Variants in SPTB observed in about 807,000 individuals in gnomAD.
SPTB encodes the protein spectrin beta, erythrocytic.
A neutral mutation model predicts 256.2 loss-of-function variants in SPTB; 45 were observed. The observed-to-expected ratio is 0.18, with a 90% CI of 0.14 to 0.23. SPTB has a LOEUF of 0.23. Among genes scored for constraint, SPTB ranks in the 10% least tolerant of loss-of-function variants. SPTB has a pLI of 1.00. For missense variants in SPTB, 2,715 were observed against 3,040.4 expected, an observed-to-expected ratio of 0.89 and a Z score of 2.52; for synonymous variants, 1,231 against 1,243.1, an observed-to-expected ratio of 0.99 and a Z score of 0.21.
intron 2 of SPTB, among the ~76,000 whole-genome samples, chr14:64,819,109 C>A (rs373744279): frequency 1.3e-5 from 2 of 152,184 alleles, no homozygotes; most frequent in East Asian, 1.9e-4. Context: ...AATCCACCCC[C>A]TTACAGGAGC....
chr14:64,815,239 G>C (rs2083168005), intron 2 of SPTB, among the ~76,000 whole-genome samples: 1 of 152,214 alleles, frequency 6.6e-6, no homozygotes, highest in South Asian at 2.1e-4. Flanking sequence ...AGGCTCAAAG[G>C]CTGGTGTTGG....
rs1373479218 is a variant in SPTB, at chr14:64,765,037, TGTGTGC to T, written c.6345+1683_6345+1688del. Among the ~76,000 whole-genome samples the T allele has an allele frequency of 4.1e-3, 470 of 115,138 alleles. 5 individuals are homozygous for T. Among genetic ancestry groups the T allele is most frequent in the African/African-American group, 0.015 (451 of 29,494 alleles). The allele number at this position is 115,138 out of a possible 152,430, so 75.5% of individuals were successfully genotyped here. A position where few individuals can be genotyped will look rare whatever the true frequency, so the allele number is the denominator to read the frequency against. On this transcript the variant is annotated intron_variant, in intron 32 of 35. Coordinates refer to ENST00000644917, the MANE Select transcript of SPTB (RefSeq NM_001355436.2). ...AGAGGAGTGTGTGCGTGTGTGTGTG[TGTGTGC>T]GCGCGCGCGCGCGGGTGGTGGATGG...
rs1036729872 is a variant in SPTB, at chr14:64,826,999, A to G, written c.-51-3854T>C. The stretch of plus-strand genomic sequence containing the variant: ...ACCACTGATGCAACCCACAGCTCCA[A>G]CCTTCACATCCGCCTTTGAGGTCCG... On this transcript the variant is annotated intron_variant, in intron 1 of 35. Coordinates refer to ENST00000644917, the MANE Select transcript of SPTB (RefSeq NM_001355436.2). The surrounding 1 kb of genome is among the most constrained non-coding windows in gnomAD (Gnocchi z 4.4). Among the ~76,000 whole-genome samples the G allele has an allele frequency of 2.0e-5, 3 of 151,994 alleles. No individual in the cohort carries two copies. Among genetic ancestry groups the G allele is most frequent in the Non-Finnish European group, 4.4e-5 (3 of 67,986 alleles).
At chr14:64,817,354 G>A (rs1204386864) in intron 2 of SPTB, among the ~76,000 whole-genome samples, 1 of 152,192 alleles carries the variant, frequency 6.6e-6, no homozygotes, top group Non-Finnish European at 1.5e-5. Context: ...CATTAAAATG[G>A]TTGCTGACAA....
At chr14:64,762,157 C>A (rs1480039080) in intron 32 of SPTB, among the ~76,000 whole-genome samples, 1 of 152,314 alleles carries the variant, frequency 6.6e-6, no homozygotes, top group African/African-American at 2.4e-5. Context: ...CTGACTCAGG[C>A]ATACTGGGTA....
intron 20 of SPTB, 136 bp downstream of exon 20, chr14:64,782,154 C>T: frequency 2.3e-6 from 3 of 1,279,500 alleles, no homozygotes; most frequent in South Asian, 2.4e-5. Flanking sequence ...GTGCAATAAA[C>T]CCCCATGACA....
At chr14:64,788,600 C>T (rs751690305) in intron 15 of SPTB, among the ~76,000 whole-genome samples, 14 of 152,148 alleles carry the variant, frequency 9.2e-5, no homozygotes, top group Non-Finnish European at 1.6e-4. Context: ...GCCCTGGAAT[C>T]GACAGGGAAG....
chr14:64,830,400 T>C (rs1046731797), intron 1 of SPTB, among the ~76,000 whole-genome samples: 1 of 150,588 alleles, frequency 6.6e-6, no homozygotes, highest in Non-Finnish European at 1.5e-5. Flanking sequence ...TTTTTTGAGA[T>C]GGAATTTCAC....
intron 20 of SPTB, among the ~76,000 whole-genome samples, chr14:64,780,453 G>T (rs775034681): frequency 2.6e-5 from 4 of 152,114 alleles, no homozygotes; most frequent in Non-Finnish European, 4.4e-5. Flanking sequence ...TGCTCTTGTT[G>T]CCCAGGCTGG....
chr14:64,803,784 G>A lies in SPTB; in HGVS notation c.301-4C>T. 1 of 1,605,784 alleles carries A rather than the reference G, an allele frequency of 6.2e-7. No individual in the cohort carries two copies. Among genetic ancestry groups the A allele is most frequent in the Non-Finnish European group, 8.5e-7 (1 of 1,175,640 alleles). On this transcript the variant is annotated splice_region_variant and splice_polypyrimidine_tract_variant and intron_variant, in intron 3 of 35. Coordinates refer to ENST00000644917, the MANE Select transcript of SPTB (RefSeq NM_001355436.2). Reference sequence around the variant, plus strand: ...TCTTCCCCTTGGTGGGCTTTGGCTGGGGGACAGCAGTGGCCCCCGTGGGCA... The same window carrying A: ...TCTTCCCCTTGGTGGGCTTTGGCTGAGGGACAGCAGTGGCCCCCGTGGGCA...
At position 64,746,391 on chromosome 14, in the gene SPTB, C is replaced by A. The variant is rs988884391; in HGVS notation, c.*2915G>T. The A allele has an allele frequency of 6.6e-6, 1 of 152,592 alleles. No individual in the cohort carries two copies. The highest frequency in any genetic ancestry group is 1.5e-5 in the Non-Finnish European group (1 of 68,044). 9.5% of individuals were successfully genotyped at this position (152,592 alleles called of 1,614,324 possible). On this transcript the variant is annotated 3_prime_UTR_variant, in exon 36 of 36. Transcript: ENST00000644917. This position sits in a 1 kb window ranked among gnomAD's most constrained non-coding sequence, Gnocchi z 4.9. ...GACCCAGCTGGCCCCAGGGCCAGCCCCAGATTGCATGGTCTGTGCCCAACA... is the reference window on the plus strand; with the variant it reads ...GACCCAGCTGGCCCCAGGGCCAGCCACAGATTGCATGGTCTGTGCCCAACA...
rs557879818 is a variant in SPTB at position 64,768,920 on chromosome 14, G to T, written c.6022+114C>A. 49 of 887,290 alleles carry T rather than the reference G, an allele frequency of 5.5e-5. No individual in the cohort carries two copies. The South Asian group carries it at 6.3e-4, about 11-fold the overall frequency. The allele number at this position is 887,290 out of a possible 1,614,324, so 55.0% of individuals were successfully genotyped here. ...GAGCTTTGCTGAAGAGCAGTGCTGT[G>T]GGGGGCTCCTCTCTAGGCAGTAGTG... On this transcript the variant is annotated intron_variant, in intron 29 of 35. Coordinates refer to ENST00000644917, the MANE Select transcript of SPTB (RefSeq NM_001355436.2).
chr14:64,784,444 G>C, intron 18 of SPTB, 51 bp from the exon 19 acceptor site: 1 of 1,609,236 alleles, frequency 6.2e-7, no homozygotes, highest in Middle Eastern at 1.7e-4. Flanking sequence ...TTCTTTGGCA[G>C]AGCAGAACCT....
At chr14:64,830,282 T>A (rs376306533) in intron 1 of SPTB, among the ~76,000 whole-genome samples, 6 of 151,264 alleles carry the variant, frequency 4.0e-5, no homozygotes, top group African/African-American at 1.5e-4. Flanking sequence ...ACTTAGTAGG[T>A]ACTCAATAAA....
Position 64,802,305 on chromosome 14 carries a change from C to A in SPTB, c.487G>T (p.Val163Leu). Residue 163 changes from valine (V) to leucine (L), a missense_variant, in exon 5 of 36, where the codon GTG (valine) becomes TTG (leucine). Around this residue, in one of 4 missense-constraint regions of SPTB, gnomAD observed 416 missense variants for 571.1 expected, o/e 0.73. Coordinates refer to ENST00000644917, the MANE Select transcript of SPTB (RefSeq NM_001355436.2). This position sits in a 1 kb window ranked among gnomAD's most constrained non-coding sequence, Gnocchi z 5.1. ...IILRFQIQDI[V>L]VQTQEGRETR... ...TCACGACCTTCCTGAGTTTGGACCA[C>A]AATGTCCTGAATCTGAGGGTAGCAG... 6.2e-7 allele frequency: 1 copy of A among 1,614,178 alleles called. No individual in the cohort carries two copies. Among genetic ancestry groups the A allele is most frequent in the South Asian group, 1.1e-5 (1 of 91,084 alleles).
At position 64,786,688 on chromosome 14, in the gene SPTB, G is replaced by A. The variant is rs1376847984; in HGVS notation, c.3277C>T (p.Leu1093Phe). 3 of 1,614,032 alleles carry A rather than the reference G, an allele frequency of 1.9e-6. 1 individual carries two copies. Among genetic ancestry groups the A allele is most frequent in the South Asian group, 2.2e-5 (2 of 91,086 alleles). Residue 1093 changes from leucine to phenylalanine, a missense_variant, in exon 16 of 36, where the codon CTC becomes TTC. Physicochemically the swap from Leu to Phe is conservative, Grantham distance 22. Transcript: ENST00000644917. This position sits in a 1 kb window ranked among gnomAD's most constrained non-coding sequence, Gnocchi z 5.6. ...AVASEDMPES[L>F]PEAEQLLQQH... is the part of the protein sequence containing the mutation. ...TGCAGGAGCTGCTCAGCCTCTGGGA[G>A]GGATTCGGGCATGTCCTCAGAGGCC...
At chr14:64,819,829 T>C (rs1472175879) in intron 2 of SPTB, among the ~76,000 whole-genome samples, 1 of 152,246 alleles carries the variant, frequency 6.6e-6, no homozygotes, top group Non-Finnish European at 1.5e-5. Flanking sequence ...TGGGAAATTT[T>C]CTTAGTACTA....
intron 1 of SPTB, among the ~76,000 whole-genome samples, chr14:64,840,949 A>G (rs1479440282): frequency 6.6e-6 from 1 of 152,168 alleles, no homozygotes; most frequent in East Asian, 1.9e-4. Flanking sequence ...AGCCTCAAGG[A>G]GCTTATAGTC....
Position 64,826,061 on chromosome 14 carries a change from C to T in SPTB, c.-51-2916G>A, listed in dbSNP as rs1423886449. Among the ~76,000 whole-genome samples, 2 of 152,208 alleles carry T rather than the reference C, an allele frequency of 1.3e-5. No individual in the cohort carries two copies. The highest frequency in any genetic ancestry group is 6.5e-5 in the Admixed American group (1 of 15,276). ...AGATGATTCAGAAATGAAAGTGAGGCCCCTTTCCTTGTGCCCTCTTCCCCT... is the reference window on the plus strand; with the variant it reads ...AGATGATTCAGAAATGAAAGTGAGGTCCCTTTCCTTGTGCCCTCTTCCCCT... On this transcript the variant is annotated intron_variant, in intron 1 of 35. Coordinates refer to ENST00000644917, the MANE Select transcript of SPTB (RefSeq NM_001355436.2). The surrounding 1 kb of genome is among the most constrained non-coding windows in gnomAD (Gnocchi z 4.4).
Sources: gnomAD v4.1 joint callset for allele counts (sites outside exome capture counted in the v4.1 genomes callset) on GRCh38, gnomAD v4.1.1 for gene constraint, gnomAD v4.1.1 regional missense constraint, Gnocchi (gnomAD v3.1) non-coding constraint, MANE v1.5 for transcripts, NCBI Gene and HGNC (gene_info 2026-07-23, HGNC 2026-07-21) for gene names.